OSBPL8: variants seen among roughly 807,000 people sequenced by gnomAD.
OSBPL8 encodes oxysterol-binding protein-related protein 8.
Under a neutral mutation model 125.5 loss-of-function variants are expected in OSBPL8, and 59 were observed. That is an observed-to-expected ratio of 0.47 (90% CI 0.38 to 0.58). OSBPL8 has a LOEUF of 0.58. Ranked by LOEUF, OSBPL8 falls within the 20% of genes least tolerant of loss-of-function variation. The pLI is 0.00. For missense variants in OSBPL8, 758 were observed against 1,047.8 expected (o/e 0.72, Z 3.82); for synonymous variants, 330 against 338.9 (o/e 0.97, Z 0.29).
intron 3 of OSBPL8, 97 bp downstream of exon 3, chr12:76,459,759 TTAA>T: frequency 7.3e-7 from 1 of 1,375,428 alleles, no homozygotes. Context: ...AGTAGAACAC[TTAA>T]TAATTCAAAA....
At chr12:76,409,039 G>T (rs1289852291) in intron 5 of OSBPL8, among the ~76,000 whole-genome samples, 1 of 151,676 alleles carries the variant, frequency 6.6e-6, no homozygotes, top group African/African-American at 2.4e-5. Flanking sequence ...TCTAGCTGTG[G>T]CAGACCTAAG....
chr12:76,504,194 C>A (rs1212179885), intron 1 of OSBPL8, among the ~76,000 whole-genome samples: 1 of 150,068 alleles, frequency 6.7e-6, no homozygotes, highest in Non-Finnish European at 1.5e-5. Flanking sequence ...GCCTGTTGAC[C>A]TACCCTGCAA....
chr12:76,419,552 T>C (rs1462811327), intron 4 of OSBPL8, among the ~76,000 whole-genome samples: 1 of 152,208 alleles, frequency 6.6e-6, no homozygotes, highest in African/African-American at 2.4e-5. Context: ...TAACTTCCAA[T>C]GGTTCAGTTT....
Position 76,514,499 on chromosome 12 carries a change from A to T in OSBPL8, c.-67-26881T>A, listed in dbSNP as rs190952259. 4.2e-4 allele frequency among the ~76,000 whole-genome samples: 64 copies of T among 152,234 alleles called. 1 individual carries two copies. In the South Asian group the frequency reaches 0.012, roughly 29 times the overall value. On this transcript the variant is annotated intron_variant, in intron 1 of 23. Transcript: ENST00000261183. ...TTTAAGTATGTTGTAGGCCCTCCTC[A>T]ATCTCTTCTGGCTTGTAGGGTTTCA...
chr12:76,459,427 T>C (rs1168148735), intron 3 of OSBPL8, among the ~76,000 whole-genome samples: 1 of 152,232 alleles, frequency 6.6e-6, no homozygotes, highest in African/African-American at 2.4e-5. Context: ...GTTTCACTTA[T>C]AAAATACCCA....
chr12:76,479,097 T>C (rs887860528), intron 2 of OSBPL8, among the ~76,000 whole-genome samples: 1 of 152,188 alleles, frequency 6.6e-6, no homozygotes, highest in Admixed American at 6.5e-5. Context: ...TATTTTGACC[T>C]TTTCTAAATG....
At chr12:76,420,536 GTATT>G (rs1246017076) in intron 4 of OSBPL8, among the ~76,000 whole-genome samples, 5 of 151,912 alleles carry the variant, frequency 3.3e-5, no homozygotes, top group Non-Finnish European at 4.4e-5. Flanking sequence ...TTATGCTGAC[GTATT>G]TATTAAGGCA....
chr12:76,357,938 T>C (rs960064333), intron 22 of OSBPL8, among the ~76,000 whole-genome samples: 1 of 152,114 alleles, frequency 6.6e-6, no homozygotes, highest in Non-Finnish European at 1.5e-5. Context: ...ACTTTACACA[T>C]TATCTGACTC....
intron 4 of OSBPL8, among the ~76,000 whole-genome samples, chr12:76,439,519 T>C (rs1871918202): frequency 6.6e-6 from 1 of 152,180 alleles, no homozygotes; most frequent in South Asian, 2.1e-4. Context: ...ACAGAATATG[T>C]ATGTGCTTGG....
chr12:76,432,226 A>G (rs1322510169), intron 4 of OSBPL8, among the ~76,000 whole-genome samples: 1 of 152,198 alleles, frequency 6.6e-6, no homozygotes, highest in Non-Finnish European at 1.5e-5. Context: ...AAATTACTAA[A>G]ATTTGTGGAA....
rs376094736 is a variant in OSBPL8 at position 76,450,915 on chromosome 12, A to T, written c.153T>A (p.Ala51=). 24 of 1,613,972 alleles carry T rather than the reference A, an allele frequency of 1.5e-5. No individual in the cohort carries two copies. Among genetic ancestry groups the T allele is most frequent in the Non-Finnish European group, 2.0e-5 (24 of 1,179,994 alleles). The change falls in exon 4 of 24, where the codon GCT becomes GCA. Residue 51 remains alanine (A), a synonymous_variant. Transcript: ENST00000261183. ...GKMSQRQGKE[A]YPTPTKDLHQ... is the part of the protein sequence containing the mutation. ...GCAAATCTTTGGTTGGCGTTGGATA[A>T]GCTTCTTTTCCTTGGCGCTGACTCA...
At chr12:76,509,189 C>T (rs972750350) in intron 1 of OSBPL8, among the ~76,000 whole-genome samples, 1 of 152,154 alleles carries the variant, frequency 6.6e-6, no homozygotes, top group African/African-American at 2.4e-5. Flanking sequence ...TATAGTAAAA[C>T]ATGTTGTACA....
At chr12:76,425,594 C>T (rs1870051650) in intron 4 of OSBPL8, among the ~76,000 whole-genome samples, 1 of 152,144 alleles carries the variant, frequency 6.6e-6, no homozygotes, top group East Asian at 1.9e-4. Flanking sequence ...TCTTTTTTGA[C>T]ACATGGGCAA....
chr12:76,413,288 C>T (rs368680317), intron 4 of OSBPL8, among the ~76,000 whole-genome samples: 2 of 152,178 alleles, frequency 1.3e-5, no homozygotes, highest in East Asian at 3.8e-4. Context: ...TTTGTCTTCA[C>T]AAGTAATTCG....
At chr12:76,506,781 G>A (rs966914266) in intron 1 of OSBPL8, among the ~76,000 whole-genome samples, 1 of 152,158 alleles carries the variant, frequency 6.6e-6, no homozygotes, top group Non-Finnish European at 1.5e-5. Context: ...TAAAGTATAA[G>A]TACACCAATC....
chr12:76,389,737 T>G lies in OSBPL8; in HGVS notation c.1260A>C (p.Leu420=). 1 of 1,609,842 alleles carries G rather than the reference T, an allele frequency of 6.2e-7. No homozygotes were observed. The change falls in exon 12 of 24, where the codon CTA becomes CTC. Residue 420 remains leucine (L), a synonymous_variant. Coordinates refer to ENST00000261183, the MANE Select transcript of OSBPL8 (RefSeq NM_020841.5). ...TAAATGTAGGCAGAACCACCTTGGA[T>G]AGGTCCATGCCAGGACGGACTTGTT... ...LLKQVRPGMD[L]SKVVLPTFIL... is the part of the protein sequence containing the mutation.
intron 2 of OSBPL8, among the ~76,000 whole-genome samples, chr12:76,466,086 C>T (rs776735495): frequency 6.6e-6 from 1 of 152,030 alleles, no homozygotes; most frequent in Non-Finnish European, 1.5e-5. Context: ...TATAAAGAAG[C>T]TTGTATGATA....
chr12:76,479,279 C>T (rs999206057), intron 2 of OSBPL8, among the ~76,000 whole-genome samples: 7 of 152,148 alleles, frequency 4.6e-5, no homozygotes, highest in African/African-American at 9.7e-5. Context: ...GTGATCATTA[C>T]GCACTACACG....
chr12:76,507,341 T>A (rs1316786073), intron 1 of OSBPL8, among the ~76,000 whole-genome samples: 2 of 151,804 alleles, frequency 1.3e-5, no homozygotes, highest in Non-Finnish European at 2.9e-5. Context: ...CTTTAATACA[T>A]ATCTAATCAT....
Sources: allele counts gnomAD v4.1 joint callset (sites outside exome capture counted in the v4.1 genomes callset), GRCh38; gene constraint gnomAD v4.1.1; transcripts MANE v1.5; gene names NCBI Gene and HGNC (gene_info 2026-07-23, HGNC 2026-07-21).